The following DNM2 variants were observed in gnomAD, a reference collection of about 807,000 sequenced individuals.
DNM2 encodes dynamin-2.
In DNM2, 15 loss-of-function variants were observed where a neutral mutation model predicts 99.0. That is an observed-to-expected ratio of 0.15 (90% CI 0.10 to 0.23). The LOEUF is 0.23. DNM2 is among the 10% of genes least tolerant of loss of function. The pLI, the probability that DNM2 is intolerant of heterozygous loss-of-function variation, is 1.00. For missense variants in DNM2, 742 were observed against 1,189.4 expected (o/e 0.62, Z 5.53); for synonymous variants, 525 against 481.2 (o/e 1.09, Z -1.19).
At chr19:10,721,840 G>A (rs1599410740) in intron 1 of DNM2, among the ~76,000 whole-genome samples, 1 of 152,316 alleles carries the variant, frequency 6.6e-6, no homozygotes, top group South Asian at 2.1e-4. Flanking sequence ...CGTAGCTTTT[G>A]TTTTTAATAA....
At chr19:10,757,710 C>CT (rs1243089472) in intron 1 of DNM2, among the ~76,000 whole-genome samples, 1 of 152,046 alleles carries the variant, frequency 6.6e-6, no homozygotes, top group African/African-American at 2.4e-5. Context: ...TTTGGGAGGC[C>CT]AAGGCGGGCA....
At chr19:10,747,317 G>A (rs1192754960) in intron 1 of DNM2, among the ~76,000 whole-genome samples, 1 of 152,140 alleles carries the variant, frequency 6.6e-6, no homozygotes, top group Admixed American at 6.6e-5. Context: ...TACCTGACCT[G>A]CCCATCTTGT....
chr19:10,783,800 G>A (rs557249710), intron 6 of DNM2, among the ~76,000 whole-genome samples: 5 of 151,392 alleles, frequency 3.3e-5, no homozygotes, highest in African/African-American at 7.3e-5. Flanking sequence ...TCCCAGGTTC[G>A]AGTGATTCTC....
chr19:10,794,486 C>T (rs373531455), intron 8 of DNM2, among the ~76,000 whole-genome samples: 2 of 152,086 alleles, frequency 1.3e-5, no homozygotes, highest in Admixed American at 6.6e-5. Context: ...CAGTGGCTCA[C>T]GCCTATAATC....
rs2071977527 is a variant in DNM2 at position 10,797,461 on chromosome 19, G to C, written c.1278G>C (p.Lys426Asn). The C allele has an allele frequency of 1.9e-6, 3 of 1,614,076 alleles. No individual in the cohort carries two copies. Among genetic ancestry groups the C allele is most frequent in the Middle Eastern group, 3.3e-4 (2 of 6,042 alleles). Residue 426 changes from lysine (K) to asparagine (N), a missense_variant, in exon 10 of 21, where the codon AAG becomes AAC. Physicochemically the swap from Lys to Asn is moderately conservative, Grantham distance 94 (BLOSUM62 0). This residue lies in a region of DNM2 where 240 missense variants were observed against 431.3 expected (regional missense o/e 0.56). Coordinates refer to ENST00000389253, the MANE Select transcript of DNM2 (RefSeq NM_001005361.3). ...QIVKLKEPSL[K>N]CVDLVVSELA... is the part of the protein sequence containing the mutation. ...TAAAACTCAAAGAGCCGAGTTTGAA[G>C]TGTGTTGATCTCGTGGTCTCAGAGC... is the stretch of plus-strand genomic sequence containing the variant.
chr19:10,804,480 C>T (rs369781003), intron 12 of DNM2, among the ~76,000 whole-genome samples: 19 of 152,242 alleles, frequency 1.2e-4, no homozygotes, highest in East Asian at 7.7e-4. Context: ...TGCTGGAGCC[C>T]AGGAGTTTGA....
intron 1 of DNM2, among the ~76,000 whole-genome samples, chr19:10,742,840 G>A (rs1034813954): frequency 6.6e-6 from 1 of 151,964 alleles, no homozygotes; most frequent in Admixed American, 6.6e-5. Flanking sequence ...CCAGAGCCCT[G>A]TGAAGGTGGA....
chr19:10,798,945 G>A (rs1434434450), intron 11 of DNM2, among the ~76,000 whole-genome samples: 3 of 152,204 alleles, frequency 2.0e-5, no homozygotes, highest in African/African-American at 7.2e-5. Context: ...CACAGGCCAG[G>A]CTGGGTGTAG....
At chr19:10,736,463 G>A (rs2069530357) in intron 1 of DNM2, among the ~76,000 whole-genome samples, 2 of 152,120 alleles carry the variant, frequency 1.3e-5, no homozygotes, top group Admixed American at 1.3e-4. Context: ...GGCCATGTGA[G>A]TCCTCTTTTT....
At chr19:10,742,720 G>A (rs1339128417) in intron 1 of DNM2, among the ~76,000 whole-genome samples, 1 of 152,102 alleles carries the variant, frequency 6.6e-6, no homozygotes. Flanking sequence ...ATTAGACGCA[G>A]GTTGGATTGG....
At chr19:10,779,711 G>GT (rs1373399346) in intron 5 of DNM2, among the ~76,000 whole-genome samples, 1 of 151,502 alleles carries the variant, frequency 6.6e-6, no homozygotes, top group African/African-American at 2.4e-5. Context: ...TTCAGACAGA[G>GT]TTTCATTCTT....
intron 1 of DNM2, among the ~76,000 whole-genome samples, chr19:10,748,763 CCCTGGCAT>C (rs2070087260): frequency 6.6e-6 from 1 of 152,228 alleles, no homozygotes; most frequent in African/African-American, 2.4e-5. Flanking sequence ...GGACTTTTGG[CCCTGGCAT>C]CCTTGTGACT....
At chr19:10,800,855 A>G (rs1474177495) in intron 11 of DNM2, among the ~76,000 whole-genome samples, 1 of 152,278 alleles carries the variant, frequency 6.6e-6, no homozygotes, top group African/African-American at 2.4e-5. Context: ...GTGGACTCAT[A>G]AGCCCTGCTC....
chr19:10,763,145 G>C (rs1390396165), intron 2 of DNM2: 1 of 152,758 alleles, frequency 6.5e-6, no homozygotes, highest in Admixed American at 6.5e-5. Context: ...GCACGATCTC[G>C]GCTCACTGCA....
At chr19:10,791,659 G>T (rs1045745007) in intron 7 of DNM2, among the ~76,000 whole-genome samples, 5 of 152,154 alleles carry the variant, frequency 3.3e-5, no homozygotes, top group African/African-American at 4.8e-5. Context: ...GTCCCCTGTG[G>T]CTGAGAGCAG....
At chr19:10,739,861 C>CAAA (rs59755624) in intron 1 of DNM2, among the ~76,000 whole-genome samples, 8 of 32,634 alleles carry the variant, frequency 2.5e-4, no homozygotes, top group Non-Finnish European at 2.9e-4. Context: ...CTCTCTCTCT[C>CAAA]AAAAAAAAAA....
In DNM2 at chr19:10,795,666, T is replaced by C. The variant is rs1177157133; in HGVS notation, c.1196+227T>C. 5.0e-6 allele frequency: 3 copies of C among 600,758 alleles called. No individual in the cohort carries two copies. Among genetic ancestry groups the C allele is most frequent in the East Asian group, 5.7e-5 (2 of 35,102 alleles). The allele number at this position is 600,758 out of a possible 1,614,324, so 37.2% of individuals were successfully genotyped here. A position where few individuals can be genotyped will look rare whatever the true frequency, so the allele number is the denominator to read the frequency against. On this transcript the variant is annotated intron_variant, in intron 9 of 20. Transcript: ENST00000389253. This position sits in a 1 kb window ranked among gnomAD's most constrained non-coding sequence, Gnocchi z 4.2. ...AGGCTTCAGGGCTGTCTGCAGCTCC[T>C]GATCAAATAGGGCTTAGTTCCTGCC...
chr19:10,799,940 G>T (rs922760670), intron 11 of DNM2, among the ~76,000 whole-genome samples: 3 of 151,804 alleles, frequency 2.0e-5, no homozygotes, highest in Non-Finnish European at 4.4e-5. Context: ...CGAAGCACTG[G>T]GCCGTCCTTA....
chr19:10,777,049 G>A, intron 4 of DNM2, 69 bp from the exon 5 acceptor site: 1 of 1,527,640 alleles, frequency 6.5e-7, no homozygotes, highest in Non-Finnish European at 9.1e-7. Flanking sequence ...ACCCCAGGTG[G>A]CTTGCAGCTG....
Sources: allele counts gnomAD v4.1 joint callset (sites outside exome capture counted in the v4.1 genomes callset), GRCh38; gene constraint gnomAD v4.1.1; regional missense constraint gnomAD v4.1.1; non-coding constraint Gnocchi (gnomAD v3.1); transcripts MANE v1.5; gene names NCBI Gene and HGNC (gene_info 2026-07-23, HGNC 2026-07-21).